The following VPS8 variants were observed in gnomAD, a reference collection of about 807,000 sequenced individuals.
The protein encoded by VPS8 is vacuolar protein sorting-associated protein 8 homolog.
A neutral mutation model predicts 216.4 loss-of-function variants in VPS8; 129 were observed. The observed-to-expected ratio is 0.60, with a 90% CI of 0.52 to 0.69. The LOEUF is 0.69. Ranked by LOEUF, VPS8 falls within the 30% of genes least tolerant of loss-of-function variation. VPS8 has a pLI of 0.00. For missense variants in VPS8, 1,531 were observed against 1,683.5 expected, an observed-to-expected ratio of 0.91 and a Z score of 1.59; for synonymous variants, 571 against 565.4, an observed-to-expected ratio of 1.01 and a Z score of -0.14.
chr3:184,872,651 A>G (rs1728552948), intron 21 of VPS8, among the ~76,000 whole-genome samples: 1 of 152,078 alleles, frequency 6.6e-6, no homozygotes, highest in South Asian at 2.1e-4. Flanking sequence ...CTCTGGATTT[A>G]ATTTTTACTA....
chr3:184,903,059 A>C (rs1042987923), intron 25 of VPS8, among the ~76,000 whole-genome samples: 1 of 152,112 alleles, frequency 6.6e-6, no homozygotes, highest in Non-Finnish European at 1.5e-5. Flanking sequence ...ATTTTCATTG[A>C]ATTACCTTGA....
At chr3:184,963,153 A>G (rs1222700614) in intron 37 of VPS8, among the ~76,000 whole-genome samples, 1 of 152,112 alleles carries the variant, frequency 6.6e-6, no homozygotes, top group African/African-American at 2.4e-5. Flanking sequence ...GGCTATTTTT[A>G]GTGTCCTACA....
At chr3:184,830,702 A>G (rs1242730137) in intron 3 of VPS8, among the ~76,000 whole-genome samples, 2 of 152,088 alleles carry the variant, frequency 1.3e-5, no homozygotes, top group African/African-American at 2.4e-5. Context: ...ATCAAATAAC[A>G]TTTTGATTGA....
intron 1 of VPS8, among the ~76,000 whole-genome samples, chr3:184,819,713 A>T (rs1007513349): frequency 6.6e-6 from 1 of 152,190 alleles, no homozygotes; most frequent in Admixed American, 6.5e-5. Context: ...CCCTTGAACA[A>T]TGCGGGGGTT....
At chr3:184,908,505 C>G (rs1735897150) in intron 25 of VPS8, among the ~76,000 whole-genome samples, 1 of 152,216 alleles carries the variant, frequency 6.6e-6, no homozygotes, top group African/African-American at 2.4e-5. Flanking sequence ...CCCTGAAGCC[C>G]CAGATGGGGT....
chr3:185,005,325 T>A (rs957738552), intron 45 of VPS8, among the ~76,000 whole-genome samples: 5 of 152,236 alleles, frequency 3.3e-5, no homozygotes, highest in South Asian at 4.1e-4. Flanking sequence ...CCAGATTTGT[T>A]CTTTTTGCTT....
chr3:184,962,789 T>C (rs1746752439), intron 37 of VPS8, among the ~76,000 whole-genome samples: 1 of 151,110 alleles, frequency 6.6e-6, no homozygotes, highest in Non-Finnish European at 1.5e-5. Context: ...CCTATTTTAA[T>C]GGAATAAAGG....
intron 46 of VPS8, among the ~76,000 whole-genome samples, chr3:185,044,084 G>A (rs922065290): frequency 2.4e-4 from 36 of 152,306 alleles, no homozygotes; most frequent in African/African-American, 8.2e-4. Context: ...CAGCTACTTG[G>A]GAGGCTGAGA....
At chr3:184,910,412 T>C (rs1736284652) in intron 25 of VPS8, among the ~76,000 whole-genome samples, 1 of 152,150 alleles carries the variant, frequency 6.6e-6, no homozygotes, top group African/African-American at 2.4e-5. Flanking sequence ...ACAGAGGTGG[T>C]AATTTACTTG....
At chr3:185,001,500 G>A (rs528864168) in intron 45 of VPS8, among the ~76,000 whole-genome samples, 1 of 152,272 alleles carries the variant, frequency 6.6e-6, no homozygotes, top group East Asian at 1.9e-4. Context: ...GATGAGGAGT[G>A]GTAGAGATTC....
chr3:184,873,341 G>A (rs578030904), intron 21 of VPS8, among the ~76,000 whole-genome samples: 2 of 152,232 alleles, frequency 1.3e-5, no homozygotes, highest in South Asian at 4.1e-4. Context: ...GGGAGAAGAT[G>A]AGTGAGAAGG....
intron 39 of VPS8, among the ~76,000 whole-genome samples, chr3:184,968,516 A>G (rs1028655482): frequency 2.0e-5 from 3 of 152,124 alleles, no homozygotes; most frequent in Non-Finnish European, 2.9e-5. Context: ...AAGGGTTCCA[A>G]TTTCTCCACA....
At position 184,971,702 on chromosome 3, in the gene VPS8, A is replaced by G. The variant is rs752821011; in HGVS notation, c.3370A>G (p.Ile1124Val). ...KDVEDTMVET[I>V]ALCQRNSHNL... ...TGTTGAAGATACTATGGTGGAGACC[A>G]TTGCTCTTTGCCAGAGAAATTCACA... Residue 1124 changes from isoleucine to valine, a missense_variant, in exon 40 of 48, where the codon ATT (isoleucine) becomes GTT (valine). Ile to Val is a conservative substitution (Grantham distance 29, BLOSUM62 3). Coordinates refer to ENST00000625842, the MANE Select transcript of VPS8 (RefSeq NM_001009921.3). 1.9e-6 allele frequency: 3 copies of G among 1,613,514 alleles called. No individual in the cohort carries two copies. The highest frequency in any genetic ancestry group is 1.3e-5 in the African/African-American group (1 of 74,938).
At chr3:184,929,900 G>A (rs1740380222) in intron 33 of VPS8, among the ~76,000 whole-genome samples, 1 of 152,148 alleles carries the variant, frequency 6.6e-6, no homozygotes, top group Non-Finnish European at 1.5e-5. Flanking sequence ...GAAACCGAGT[G>A]CTACTTTAGA....
chr3:184,884,686 G>T (rs191092825), intron 21 of VPS8, among the ~76,000 whole-genome samples: 9 of 152,068 alleles, frequency 5.9e-5, no homozygotes, highest in Admixed American at 5.2e-4. Context: ...TTTTAGGCAG[G>T]TCCTCTGCTT....
At chr3:185,021,744 T>C (rs1756689016) in intron 45 of VPS8, among the ~76,000 whole-genome samples, 1 of 152,208 alleles carries the variant, frequency 6.6e-6, no homozygotes, top group Non-Finnish European at 1.5e-5. Flanking sequence ...ATTCTTAAAA[T>C]CAGAGAGGTT....
chr3:185,004,351 G>A (rs549433700), intron 45 of VPS8, among the ~76,000 whole-genome samples: 136 of 152,306 alleles, frequency 8.9e-4, no homozygotes, highest in African/African-American at 2.4e-3. Context: ...GTGGCGGCGC[G>A]CGCCCGCAAT....
At position 185,039,047 on chromosome 3, in the gene VPS8, A is replaced by G. The variant is rs527671848; in HGVS notation, c.4057-9432A>G. 1.3e-3 allele frequency among the ~76,000 whole-genome samples: 202 copies of G among 152,302 alleles called. 1 individual carries two copies. The highest frequency in any genetic ancestry group is 4.7e-3 in the African/African-American group (196 of 41,558). On this transcript the variant is annotated intron_variant, in intron 46 of 47. Coordinates refer to ENST00000625842, the MANE Select transcript of VPS8 (RefSeq NM_001009921.3). ...CCAATGTCCTGCTCCTACTGGGAAGAAAGCCTTCCAACTGTGATCTTGGGA... is the reference window on the plus strand; with the variant it reads ...CCAATGTCCTGCTCCTACTGGGAAGGAAGCCTTCCAACTGTGATCTTGGGA...
chr3:185,048,373 A>T, intron 46 of VPS8, 106 bp from the exon 47 acceptor site: 1 of 1,094,332 alleles, frequency 9.1e-7, no homozygotes, highest in Non-Finnish European at 1.4e-6. Flanking sequence ...GATTGTTTTC[A>T]GGAGAATGAA....
Sources: allele counts gnomAD v4.1 joint callset (sites outside exome capture counted in the v4.1 genomes callset), GRCh38; gene constraint gnomAD v4.1.1; transcripts MANE v1.5; gene names NCBI Gene and HGNC (gene_info 2026-07-23, HGNC 2026-07-21).